The following SAMD5 variants were observed in gnomAD, a reference collection of about 807,000 sequenced individuals.
The protein encoded by SAMD5 is sterile alpha motif domain-containing protein 5.
A neutral mutation model predicts 11.3 loss-of-function variants in SAMD5; 13 were observed. The observed-to-expected ratio is 1.15, with a 90% CI of 0.75 to 1.83. The LOEUF (loss-of-function observed/expected upper bound fraction) is 1.83. Ranked by LOEUF, SAMD5 falls within the 40% of genes most tolerant of loss-of-function variation. The probability of loss-of-function intolerance (pLI) is 0.00; values close to 1 mark genes in which losing one functional copy is unlikely to be tolerated. For synonymous variants in SAMD5, 129 were observed against 111.3 expected, an observed-to-expected ratio of 1.16 and a Z score of -1.00; for missense variants, 255 against 239.1, an observed-to-expected ratio of 1.07 and a Z score of -0.44.
At chr6:147,509,864 G>T (rs1788061000) in intron 1 of SAMD5, among the ~76,000 whole-genome samples, 1 of 152,134 alleles carries the variant, frequency 6.6e-6, no homozygotes, top group Non-Finnish European at 1.5e-5. Flanking sequence ...GGAAAGTCAG[G>T]CCCTGCCTTT....
the SAMD5 span, among the ~76,000 whole-genome samples, chr6:147,874,118 A>G: frequency 2.6e-4 from 39 of 152,344 alleles, no homozygotes; most frequent in East Asian, 7.3e-3. Context: ...AAAAAACTTT[A>G]GGCAATGCTA....
chr6:147,872,729 C>T, the SAMD5 span, among the ~76,000 whole-genome samples: 1 of 151,976 alleles, frequency 6.6e-6, no homozygotes. Context: ...GAGGAAAATC[C>T]CTTTCCCATC....
the SAMD5 span, among the ~76,000 whole-genome samples, chr6:147,845,065 AT>A: frequency 6.6e-6 from 1 of 152,220 alleles, no homozygotes; most frequent in Non-Finnish European, 1.5e-5. Flanking sequence ...ATTATTCCGC[AT>A]TGTATACACG....
At chr6:147,928,627 G>T in the SAMD5 span, among the ~76,000 whole-genome samples, 1 of 152,092 alleles carries the variant, frequency 6.6e-6, no homozygotes, top group African/African-American at 2.4e-5. Context: ...TGGATTCATT[G>T]ATATGTTGAA....
At chr6:147,778,849 G>A in the SAMD5 span, among the ~76,000 whole-genome samples, 1 of 144,998 alleles carries the variant, frequency 6.9e-6, no homozygotes, top group Non-Finnish European at 1.5e-5. Context: ...AAAGAGTACT[G>A]ATTTCTCTAA....
chr6:147,552,406 T>C (rs1055946395), intron 1 of SAMD5, among the ~76,000 whole-genome samples: 3 of 152,228 alleles, frequency 2.0e-5, no homozygotes, highest in African/African-American at 4.8e-5. Flanking sequence ...TTTAATGTAA[T>C]TGAATTTTCT....
At chr6:147,950,963 AC>A in the SAMD5 span, among the ~76,000 whole-genome samples, 1 of 145,892 alleles carries the variant, frequency 6.9e-6, no homozygotes, top group African/African-American at 2.6e-5. Flanking sequence ...CATATTCTAG[AC>A]CTTTCTACTC....
At chr6:147,950,684 G>A in the SAMD5 span, among the ~76,000 whole-genome samples, 1 of 152,080 alleles carries the variant, frequency 6.6e-6, no homozygotes, top group Non-Finnish European at 1.5e-5. Flanking sequence ...AGGTGTTGGG[G>A]ACCTTAAGTT....
intron 1 of SAMD5, among the ~76,000 whole-genome samples, chr6:147,551,002 TG>T (rs1788762838): frequency 6.6e-6 from 1 of 152,108 alleles, no homozygotes; most frequent in African/African-American, 2.4e-5. Context: ...TGACATTCAG[TG>T]ATTGAATAGC....
At chr6:147,788,838 C>G in the SAMD5 span, among the ~76,000 whole-genome samples, 1 of 152,146 alleles carries the variant, frequency 6.6e-6, no homozygotes, top group African/African-American at 2.4e-5. Flanking sequence ...AATCCCAGCA[C>G]TTTGGGAGGC....
chr6:147,544,082 G>T (rs1788649144), intron 1 of SAMD5, among the ~76,000 whole-genome samples: 1 of 152,066 alleles, frequency 6.6e-6, no homozygotes, highest in South Asian at 2.1e-4. Context: ...GAAAATTGTT[G>T]GGCTTGCAGG....
the SAMD5 span, among the ~76,000 whole-genome samples, chr6:147,826,683 C>T: frequency 2.0e-5 from 3 of 152,176 alleles, no homozygotes; most frequent in African/African-American, 7.2e-5. Context: ...CAAGTTCTTC[C>T]TTTGATCATC....
chr6:147,896,898 A>G, the SAMD5 span, among the ~76,000 whole-genome samples: 1 of 152,152 alleles, frequency 6.6e-6, no homozygotes, highest in Admixed American at 6.5e-5. Context: ...AATTGTACTC[A>G]GCAATCGAGG....
At chr6:147,636,164 G>T (rs1036848791) in intron 1 of SAMD5, among the ~76,000 whole-genome samples, 1 of 152,080 alleles carries the variant, frequency 6.6e-6, no homozygotes, top group Admixed American at 6.6e-5. Flanking sequence ...TAGAAGACAC[G>T]ATAAAATCTG....
intron 1 of SAMD5, among the ~76,000 whole-genome samples, chr6:147,670,684 C>T (rs1380409755): frequency 6.6e-6 from 1 of 152,212 alleles, no homozygotes; most frequent in East Asian, 1.9e-4. Flanking sequence ...AGCTTCCTTA[C>T]CTCTGTCAGC....
At chr6:147,537,370 A>G (rs1026275059) in intron 1 of SAMD5, among the ~76,000 whole-genome samples, 5 of 152,202 alleles carry the variant, frequency 3.3e-5, no homozygotes, top group South Asian at 2.1e-4. Flanking sequence ...TTAAAGGTTT[A>G]AAACACTGGA....
rs532960119 is a variant in SAMD5 at position 147,718,954 on chromosome 6, G to T, written c.163-18363G>T. Among the ~76,000 whole-genome samples the T allele has an allele frequency of 2.0e-5, 3 of 152,342 alleles. No individual in the cohort carries two copies. The South Asian group carries it at 6.2e-4, about 32-fold the overall frequency. ...GATCCGCCTGCCTCAGCCTCCCAAA[G>T]TGCTGGGATTACAGGCGTGAGCCAC... On this transcript the variant is annotated intron_variant, in intron 1 of 1. Coordinates refer to the SAMD5 transcript ENST00000566741.
chr6:147,604,145 T>C (rs1789663515), intron 1 of SAMD5, among the ~76,000 whole-genome samples: 1 of 152,080 alleles, frequency 6.6e-6, no homozygotes, highest in South Asian at 2.1e-4. Flanking sequence ...ATTGCAAATT[T>C]AGCACAACAG....
chr6:147,672,392 T>G (rs1484267491), intron 1 of SAMD5, among the ~76,000 whole-genome samples: 1 of 152,184 alleles, frequency 6.6e-6, no homozygotes, highest in Non-Finnish European at 1.5e-5. Flanking sequence ...AGTCTAAATT[T>G]ATAAAATATA....
Sources: allele counts gnomAD v4.1 joint callset (sites outside exome capture counted in the v4.1 genomes callset), GRCh38; gene constraint gnomAD v4.1.1; transcripts MANE v1.5; gene names NCBI Gene and HGNC (gene_info 2026-07-23, HGNC 2026-07-21).